CSMD1: variants seen among roughly 807,000 people sequenced by gnomAD.
CSMD1 encodes CUB and sushi domain-containing protein 1.
In CSMD1, 213 loss-of-function variants were observed where a neutral mutation model predicts 417.5. The observed-to-expected ratio is 0.51, with a 90% CI of 0.46 to 0.57. CSMD1 has a LOEUF of 0.57. Ranked by LOEUF, CSMD1 falls within the 20% of genes least tolerant of loss-of-function variation. The probability of loss-of-function intolerance (pLI) is 0.00; values close to 1 mark genes in which losing one functional copy is unlikely to be tolerated. For synonymous variants in CSMD1, 2,862 were observed against 1,736.8 expected, an observed-to-expected ratio of 1.65 and a Z score of -16.11; for missense variants, 6,923 against 4,529.7, an observed-to-expected ratio of 1.53 and a Z score of -15.17.
At chr8:4,118,139 T>A (rs1802267791) in intron 3 of CSMD1, among the ~76,000 whole-genome samples, 1 of 152,092 alleles carries the variant, frequency 6.6e-6, no homozygotes, top group South Asian at 2.1e-4. Context: ...AAACGGCCCT[T>A]GGCAGACTCT....
At chr8:3,224,996 A>C (rs2028742) in intron 27 of CSMD1, among the ~76,000 whole-genome samples, 2 of 152,118 alleles carry the variant, frequency 1.3e-5, no homozygotes, top group African/African-American at 2.4e-5. Context: ...TTCCACTTAA[A>C]TTATATGTCT....
intron 1 of CSMD1, among the ~76,000 whole-genome samples, chr8:4,967,516 A>G (rs9942743): frequency 3.9e-5 from 6 of 151,922 alleles, no homozygotes; most frequent in African/African-American, 1.5e-4. Flanking sequence ...ACTATTCCAT[A>G]CCTATCTCTA....
At chr8:4,844,707 C>A (rs1801031123) in intron 1 of CSMD1, among the ~76,000 whole-genome samples, 1 of 152,180 alleles carries the variant, frequency 6.6e-6, no homozygotes, top group African/African-American at 2.4e-5. Flanking sequence ...AGACTCTAAA[C>A]AACTAATTGT....
intron 1 of CSMD1, among the ~76,000 whole-genome samples, chr8:4,798,203 C>T (rs2117268230): frequency 6.6e-6 from 1 of 152,228 alleles, no homozygotes; most frequent in East Asian, 1.9e-4. Context: ...TGATGTTCCC[C>T]TTCTTGTGTC....
At position 4,481,148 on chromosome 8, in the gene CSMD1, T is replaced by G. The variant is rs117791454; in HGVS notation, c.303-61083A>C. On this transcript the variant is annotated intron_variant, in intron 2 of 69. Transcript: ENST00000635120. Reference sequence around the variant, plus strand: ...CATCTCAAGGCTTGAGAGCCACACATGTAAGATTCCGAATACACATCAGTT... The same window carrying G: ...CATCTCAAGGCTTGAGAGCCACACAGGTAAGATTCCGAATACACATCAGTT... Among the ~76,000 whole-genome samples the G allele has an allele frequency of 2.0e-5, 3 of 152,204 alleles. No homozygotes were observed. In the East Asian group the frequency reaches 5.8e-4, roughly 29 times the overall value.
intron 5 of CSMD1, among the ~76,000 whole-genome samples, chr8:3,955,238 A>C (rs1811862236): frequency 6.6e-6 from 1 of 152,056 alleles, no homozygotes; most frequent in Non-Finnish European, 1.5e-5. Flanking sequence ...AGAGGCCCCC[A>C]CAGATCCCAC....
chr8:4,106,939 G>T (rs1465555587), intron 3 of CSMD1, among the ~76,000 whole-genome samples: 1 of 152,140 alleles, frequency 6.6e-6, no homozygotes, highest in South Asian at 2.1e-4. Context: ...ACGCGTTGTG[G>T]TTCTCAGTTT....
intron 1 of CSMD1, among the ~76,000 whole-genome samples, chr8:4,980,024 G>C (rs1810795039): frequency 6.6e-6 from 1 of 152,150 alleles, no homozygotes; most frequent in Non-Finnish European, 1.5e-5. Context: ...GCGACAGAGT[G>C]AGACTCCATC....
chr8:3,389,633 T>C (rs374614441), intron 17 of CSMD1, among the ~76,000 whole-genome samples: 1 of 43,652 alleles, frequency 2.3e-5, no homozygotes, highest in South Asian at 8.0e-4. Flanking sequence ...GGATTATATA[T>C]TAATGGTTTT....
In CSMD1 at chr8:2,936,093, G is replaced by T. The variant is rs775088361; in HGVS notation, c.*2492C>A. ...TGCACACAACCTTAGGAAGAAACTA[G>T]GCAGAATTCTCACACGAGAATTTCA... On this transcript the variant is annotated 3_prime_UTR_variant, in exon 70 of 70. Transcript: ENST00000635120. The T allele has an allele frequency of 6.6e-6, 1 of 151,984 alleles. No individual in the cohort carries two copies. Among genetic ancestry groups the T allele is most frequent in the Non-Finnish European group, 1.5e-5 (1 of 68,020 alleles). The allele number at this position is 151,984 out of a possible 1,614,324, so 9.4% of individuals were successfully genotyped here. A position where few individuals can be genotyped will look rare whatever the true frequency, so the allele number is the denominator to read the frequency against.
At chr8:4,586,334 G>C (rs999810248) in intron 2 of CSMD1, among the ~76,000 whole-genome samples, 2 of 152,166 alleles carry the variant, frequency 1.3e-5, no homozygotes, top group Admixed American at 6.5e-5. Context: ...GTGACTAATT[G>C]CTTGTGTAGA....
chr8:4,590,171 G>GT (rs72043012), intron 2 of CSMD1, among the ~76,000 whole-genome samples: 8,484 of 149,154 alleles, frequency 0.057, 473 homozygotes, highest in Middle Eastern at 0.14. Context: ...TCTTTATGCT[G>GT]TTTTTTTTTT....
At chr8:3,804,658 A>T (rs755039047) in intron 5 of CSMD1, among the ~76,000 whole-genome samples, 15 of 152,346 alleles carry the variant, frequency 9.8e-5, no homozygotes, top group African/African-American at 1.4e-4. Context: ...TCAAAATAGA[A>T]GTGAAAGAAA....
intron 3 of CSMD1, among the ~76,000 whole-genome samples, chr8:4,190,216 G>C (rs190728220): frequency 9.4e-5 from 13 of 138,648 alleles, no homozygotes; most frequent in African/African-American, 2.2e-4. Flanking sequence ...CTGAGATCGA[G>C]TCACTGCCCT....
chr8:4,643,800 G>A (rs376208254), intron 1 of CSMD1, among the ~76,000 whole-genome samples: 1 of 152,146 alleles, frequency 6.6e-6, no homozygotes, highest in African/African-American at 2.4e-5. Context: ...AATTAATTGT[G>A]GAAGGACCAT....
chr8:3,997,491 A>T (rs946217964), intron 5 of CSMD1, among the ~76,000 whole-genome samples: 1 of 152,216 alleles, frequency 6.6e-6, no homozygotes. Context: ...CTTCACGAAG[A>T]AAAAGGAAAG....
At chr8:3,341,892 T>A (rs114052831) in intron 23 of CSMD1, among the ~76,000 whole-genome samples, 5 of 152,024 alleles carry the variant, frequency 3.3e-5, no homozygotes, top group African/African-American at 1.2e-4. Context: ...ACAAAATACA[T>A]TGAACATCTC....
chr8:2,950,924 T>C (rs1802583564), intron 66 of CSMD1, among the ~76,000 whole-genome samples, 190 bp downstream of exon 66: 2 of 152,182 alleles, frequency 1.3e-5, no homozygotes, highest in Admixed American at 1.3e-4. Flanking sequence ...TGTACTCGTT[T>C]TGTAATCTCT....
At chr8:4,047,356 G>A (rs918672120) in intron 3 of CSMD1, among the ~76,000 whole-genome samples, 10 of 152,250 alleles carry the variant, frequency 6.6e-5, no homozygotes, top group East Asian at 1.9e-4. Flanking sequence ...CCTTGGGAAC[G>A]GTCCTGCTCA....
Sources: gnomAD v4.1 joint callset for allele counts (sites outside exome capture counted in the v4.1 genomes callset) on GRCh38, gnomAD v4.1.1 for gene constraint, MANE v1.5 for transcripts, NCBI Gene and HGNC (gene_info 2026-07-23, HGNC 2026-07-21) for gene names.